The following ATF7IP variants were observed in gnomAD, a reference collection of about 807,000 sequenced individuals.
ATF7IP encodes activating transcription factor 7-interacting protein 1.
ATF7IP carries 23 observed loss-of-function variants against 106.4 expected under a neutral mutation model. That is an observed-to-expected ratio of 0.22 (90% CI 0.16 to 0.31). The LOEUF is 0.31. Ranked by LOEUF, ATF7IP falls within the 10% of genes least tolerant of loss-of-function variation. The pLI is 1.00. For missense variants in ATF7IP, 1,334 were observed against 1,524.3 expected (o/e 0.88, Z 2.08); for synonymous variants, 542 against 539.0 (o/e 1.01, Z -0.08).
chr12:14,416,720 A>G (rs1452246937), intron 1 of ATF7IP, among the ~76,000 whole-genome samples: 1 of 152,124 alleles, frequency 6.6e-6, no homozygotes, highest in Admixed American at 6.5e-5. Flanking sequence ...TGATTTTCAC[A>G]TCCTTTGCAT....
chr12:14,407,581 A>T (rs1304452581), intron 1 of ATF7IP, among the ~76,000 whole-genome samples: 1 of 152,166 alleles, frequency 6.6e-6, no homozygotes, highest in Non-Finnish European at 1.5e-5. Flanking sequence ...AGGTAGAATG[A>T]TGAAATGCAT....
intron 1 of ATF7IP, chr12:14,420,089 C>A (rs1941416074): frequency 6.6e-6 from 1 of 152,058 alleles, no homozygotes; most frequent in East Asian, 1.9e-4. Flanking sequence ...CTATTTGCTG[C>A]AGGGAGGAAA....
intron 12 of ATF7IP, among the ~76,000 whole-genome samples, chr12:14,479,268 T>A (rs1944355957): frequency 6.6e-6 from 1 of 152,240 alleles, no homozygotes; most frequent in South Asian, 2.1e-4. Context: ...CAACAATTTT[T>A]AAATGTGTCT....
chr12:14,499,547 G>A lies in ATF7IP; in HGVS notation c.*1474G>A, dbSNP rs77302872. 6.6e-6 allele frequency: 1 copy of A among 152,244 alleles called. No individual in the cohort carries two copies. Among genetic ancestry groups the A allele is most frequent in the Non-Finnish European group, 1.5e-5 (1 of 68,048 alleles). 9.4% of individuals were successfully genotyped at this position (152,244 alleles called of 1,614,324 possible). A position where few individuals can be genotyped will look rare whatever the true frequency, so the allele number is the denominator to read the frequency against. ...AATGAGCTAAAATATCAAGGGGAAA[G>A]CTTCATTTCCTCTTTATTCTCTTTA... On this transcript the variant is annotated 3_prime_UTR_variant, in exon 15 of 15. Coordinates refer to ENST00000261168, the MANE Select transcript of ATF7IP (RefSeq NM_018179.5).
intron 14 of ATF7IP, 21 bp from the exon 15 acceptor site, chr12:14,497,633 C>A: frequency 6.3e-7 from 1 of 1,591,412 alleles, no homozygotes; most frequent in Non-Finnish European, 8.6e-7. Context: ...CATCATTAAT[C>A]AGTGTGACCT....
chr12:14,398,693 T>G (rs1940002906), intron 1 of ATF7IP, among the ~76,000 whole-genome samples: 1 of 152,092 alleles, frequency 6.6e-6, no homozygotes, highest in South Asian at 2.1e-4. Flanking sequence ...TGTGAATTTA[T>G]TAGTTTTTTC....
rs1238908918 is a variant in ATF7IP, at chr12:14,378,137, G to A, written c.-8+12310G>A. ...TTTTGAAATGGAATCTTGCTCTGTCGCCCAGGCTGGAGTGCGGTGGCATGA... is the reference window on the plus strand; with the variant it reads ...TTTTGAAATGGAATCTTGCTCTGTCACCCAGGCTGGAGTGCGGTGGCATGA... On this transcript the variant is annotated intron_variant, in intron 1 of 14. Coordinates refer to ENST00000261168, the MANE Select transcript of ATF7IP (RefSeq NM_018179.5). Among the ~76,000 whole-genome samples, 6 of 137,040 alleles carry A rather than the reference G, an allele frequency of 4.4e-5. No homozygotes were observed. In the East Asian group the frequency reaches 8.4e-4, roughly 19 times the overall value. The allele number at this position is 137,040 out of a possible 152,430, so 89.9% of individuals were successfully genotyped here.
intron 1 of ATF7IP, among the ~76,000 whole-genome samples, chr12:14,417,400 C>A (rs901986568): frequency 2.6e-5 from 4 of 151,840 alleles, no homozygotes; most frequent in Non-Finnish European, 4.4e-5. Flanking sequence ...TCCTTTGGGT[C>A]CAGAATACTA....
chr12:14,377,247 G>A (rs568916832), intron 1 of ATF7IP, among the ~76,000 whole-genome samples: 3 of 151,870 alleles, frequency 2.0e-5, no homozygotes, highest in Non-Finnish European at 4.4e-5. Flanking sequence ...TGCCTGCTTC[G>A]GCCTCCCAAA....
At chr12:14,443,165 G>A (rs929903175) in intron 5 of ATF7IP, among the ~76,000 whole-genome samples, 1 of 152,020 alleles carries the variant, frequency 6.6e-6, no homozygotes, top group South Asian at 2.1e-4. Context: ...AAAAAAGGAA[G>A]CAGGAAAGCT....
chr12:14,415,172 TA>T (rs1284317627), intron 1 of ATF7IP, among the ~76,000 whole-genome samples: 1 of 152,110 alleles, frequency 6.6e-6, no homozygotes, highest in Non-Finnish European at 1.5e-5. Flanking sequence ...AGCTAGTGAG[TA>T]GGGCCTTGAT....
At chr12:14,369,027 T>C (rs1289107143) in intron 1 of ATF7IP, 4 of 151,930 alleles carry the variant, frequency 2.6e-5, no homozygotes, top group African/African-American at 9.7e-5. Context: ...CTCTGCCCAC[T>C]GCAGCCTCGA....
At chr12:14,465,372 C>T (rs1449136425) in intron 9 of ATF7IP, among the ~76,000 whole-genome samples, 1 of 151,688 alleles carries the variant, frequency 6.6e-6, no homozygotes, top group African/African-American at 2.4e-5. Context: ...TATATAAAAA[C>T]CTTTGGTAGT....
intron 6 of ATF7IP, among the ~76,000 whole-genome samples, chr12:14,451,903 T>G (rs1370448076): frequency 6.6e-6 from 1 of 152,188 alleles, no homozygotes; most frequent in African/African-American, 2.4e-5. Context: ...AGTTCTCTGT[T>G]TCTGTGTTGA....
chr12:14,440,429 C>T (rs975709878), intron 5 of ATF7IP, among the ~76,000 whole-genome samples: 2 of 152,116 alleles, frequency 1.3e-5, no homozygotes, highest in African/African-American at 4.8e-5. Flanking sequence ...ATTTTAATCT[C>T]TTAATTTTCA....
chr12:14,471,907 A>G (rs1223203417), intron 10 of ATF7IP, among the ~76,000 whole-genome samples: 1 of 152,180 alleles, frequency 6.6e-6, no homozygotes, highest in Non-Finnish European at 1.5e-5. Flanking sequence ...TACTTTTCTA[A>G]GTTACCTGTG....
chr12:14,470,332 CAT>C (rs1358777249), intron 10 of ATF7IP, among the ~76,000 whole-genome samples: 1 of 152,106 alleles, frequency 6.6e-6, no homozygotes, highest in Non-Finnish European at 1.5e-5. Flanking sequence ...GAAAACGACA[CAT>C]GATTAGCTAA....
chr12:14,463,966 A>T (rs752765896), intron 9 of ATF7IP, among the ~76,000 whole-genome samples: 38 of 152,316 alleles, frequency 2.5e-4, no homozygotes, highest in Middle Eastern at 3.4e-3. Flanking sequence ...TATACAATCC[A>T]TATACAATGT....
intron 8 of ATF7IP, among the ~76,000 whole-genome samples, chr12:14,458,042 G>C (rs1943497237): frequency 6.6e-6 from 1 of 151,806 alleles, no homozygotes; most frequent in African/African-American, 2.4e-5. Flanking sequence ...TTTGCGGTGA[G>C]CCGAGATCAC....
Sources: gnomAD v4.1 joint callset for allele counts (sites outside exome capture counted in the v4.1 genomes callset) on GRCh38, gnomAD v4.1.1 for gene constraint, MANE v1.5 for transcripts, NCBI Gene and HGNC (gene_info 2026-07-23, HGNC 2026-07-21) for gene names.